The following AFAP1 variants were observed in gnomAD, a reference collection of about 807,000 sequenced individuals.
AFAP1 encodes the protein actin filament-associated protein 1.
In AFAP1, 75 loss-of-function variants were observed where a neutral mutation model predicts 93.9. The ratio of observed to expected loss-of-function variants is 0.80; its 90% CI spans 0.66 to 0.97. AFAP1 has a LOEUF of 0.97. AFAP1 is among the 50% of genes least tolerant of loss of function. AFAP1 has a pLI of 0.00. For synonymous variants in AFAP1, 517 were observed against 430.7 expected (o/e 1.20, Z -2.48); for missense variants, 1,201 against 1,050.8 (o/e 1.14, Z -1.98).
intron 13 of AFAP1, chr4:7,779,336 TAA>T (rs1368759217): frequency 1.9e-5 from 3 of 157,528 alleles, no homozygotes; most frequent in Non-Finnish European, 4.2e-5. Context: ...CCTACTGGGA[TAA>T]GTGACCGCCT....
intron 3 of AFAP1, among the ~76,000 whole-genome samples, chr4:7,858,684 G>A (rs527738462): frequency 6.6e-6 from 1 of 152,306 alleles, no homozygotes; most frequent in South Asian, 2.1e-4. Context: ...GGAGGAAGAC[G>A]CAGGCGCACA....
chr4:7,770,770 G>A (rs1037588165), intron 16 of AFAP1, among the ~76,000 whole-genome samples: 6 of 152,234 alleles, frequency 3.9e-5, no homozygotes, highest in South Asian at 2.1e-4. Flanking sequence ...GGACGGGGGC[G>A]GGACAGCTCC....
intron 1 of AFAP1, among the ~76,000 whole-genome samples, chr4:7,911,070 C>T (rs1369006906): frequency 6.6e-6 from 1 of 152,212 alleles, no homozygotes; most frequent in Non-Finnish European, 1.5e-5. Context: ...GACACACAGC[C>T]CATCTGTCTC....
At chr4:7,767,810 T>C (rs926857527) in intron 17 of AFAP1, among the ~76,000 whole-genome samples, 5 of 152,210 alleles carry the variant, frequency 3.3e-5, no homozygotes, top group African/African-American at 1.2e-4. Context: ...CTGGGCGCAG[T>C]GGCTCACGAC....
At chr4:7,772,048 T>C (rs1397184210) in intron 16 of AFAP1, among the ~76,000 whole-genome samples, 2 of 152,098 alleles carry the variant, frequency 1.3e-5, no homozygotes, top group African/African-American at 4.8e-5. Flanking sequence ...TCAACCAGGC[T>C]CAGCATTTTA....
chr4:7,931,533 C>T (rs1721066559), intron 1 of AFAP1, among the ~76,000 whole-genome samples: 1 of 150,822 alleles, frequency 6.6e-6, no homozygotes, highest in African/African-American at 2.4e-5. Context: ...AGGTGTGCAC[C>T]ACCACGCCCA....
chr4:7,923,511 G>A (rs546412307), intron 1 of AFAP1, among the ~76,000 whole-genome samples: 19 of 152,136 alleles, frequency 1.2e-4, no homozygotes, highest in South Asian at 1.2e-3. Flanking sequence ...ATGGAGTCTC[G>A]CTCTGTCACC....
At chr4:7,882,626 C>T (rs532424683) in intron 1 of AFAP1, among the ~76,000 whole-genome samples, 5 of 152,214 alleles carry the variant, frequency 3.3e-5, no homozygotes, top group Admixed American at 1.3e-4. Flanking sequence ...TTTGGAAGGC[C>T]GAGGCAGGCA....
intron 4 of AFAP1, among the ~76,000 whole-genome samples, chr4:7,852,976 C>T (rs1172373956): frequency 1.3e-5 from 2 of 152,134 alleles, no homozygotes; most frequent in Non-Finnish European, 2.9e-5. Context: ...GGGAATTTCC[C>T]GTCACCCGGG....
rs367862961 is a variant in AFAP1, at chr4:7,786,271, C to G, written c.1453G>C (p.Gly485Arg). The G allele has an allele frequency of 2.5e-6, 4 of 1,614,044 alleles. No homozygotes were observed. The highest frequency in any genetic ancestry group is 3.4e-6 in the Non-Finnish European group (4 of 1,180,030). ...TGGGCATAGCCGTTGGAGGTGCCCC[C>G]TAGATATGGGTTAGCAGATATAACA... The part of the protein sequence containing the change: ...RRVISANPYL[G>R]GTSNGYAHPS... Residue 485 changes from glycine to arginine, a missense_variant, in exon 12 of 18, where the codon GGG becomes CGG. By Grantham distance (125) the Gly-to-Arg change is moderately radical. Transcript: ENST00000420658.
At chr4:7,840,265 T>TGTGTGTGTGTGTGCGTGTGTGC (rs559090769) in intron 5 of AFAP1, among the ~76,000 whole-genome samples, 1 of 69,946 alleles carries the variant, frequency 1.4e-5, no homozygotes, top group Non-Finnish European at 3.1e-5. Flanking sequence ...TTTTGGGATG[T>TGTGTGTGTGTGTGCGTGTGTGC]GTGTGTGTGT....
At position 7,763,674 on chromosome 4, in the gene AFAP1, C is replaced by T; in HGVS notation, c.*91G>A. The stretch of plus-strand genomic sequence containing the variant: ...AGCCTCTGGAGTCGTGCAGCTGAGG[C>T]CACTCTGGGCAGAGCTTCCTGCCGT... On this transcript the variant is annotated 3_prime_UTR_variant, in exon 18 of 18. Coordinates refer to ENST00000420658, the MANE Select transcript of AFAP1 (RefSeq NM_001134647.2). 1 of 1,503,178 alleles carries T rather than the reference C, an allele frequency of 6.7e-7. No individual in the cohort carries two copies. The highest frequency in any genetic ancestry group is 9.1e-7 in the Non-Finnish European group (1 of 1,104,156). 93.1% of individuals were successfully genotyped at this position (1,503,178 alleles called of 1,614,324 possible). A position where few individuals can be genotyped will look rare whatever the true frequency, so the allele number is the denominator to read the frequency against.
At chr4:7,797,381 C>T (rs1408129188) in intron 10 of AFAP1, among the ~76,000 whole-genome samples, 1 of 152,126 alleles carries the variant, frequency 6.6e-6, no homozygotes, top group Non-Finnish European at 1.5e-5. Flanking sequence ...GGAAACCTTA[C>T]CCAAGGGATC....
rs150681856 is a variant in AFAP1, at chr4:7,764,108, G to A, written c.2419-317C>T. ...CGAGTACAGACAACACCACGTATTC[G>A]GCCTGAAAAAGGAAGGGCCTTCTGA... On this transcript the variant is annotated intron_variant, in intron 17 of 17. Coordinates refer to ENST00000420658, the MANE Select transcript of AFAP1 (RefSeq NM_001134647.2). 5.3e-3 allele frequency among the ~76,000 whole-genome samples: 804 copies of A among 152,310 alleles called. 3 individuals are homozygous for A. Among genetic ancestry groups the A allele is most frequent in the Non-Finnish European group, 8.9e-3 (607 of 68,022 alleles).
Position 7,800,565 on chromosome 4 carries a change from G to A in AFAP1, c.1143C>T (p.Thr381=), listed in dbSNP as rs11728778. Reference sequence around the variant, plus strand: ...TAGACACAATATGGGTCTTCAGGTCGGTCCTGTCCTTGTGGAAAATGAGCT... The same window carrying A: ...TAGACACAATATGGGTCTTCAGGTCAGTCCTGTCCTTGTGGAAAATGAGCT... ...DNKLIFHKDR[T]DLKTHIVSIP... The change falls in exon 10 of 18, where the codon ACC becomes ACT. Residue 381 remains threonine (T), a synonymous_variant. Transcript: ENST00000420658. The A allele has an allele frequency of 0.26, 426,308 of 1,613,928 alleles. 61,677 individuals carry two copies. The highest frequency in any genetic ancestry group is 0.3 in the Non-Finnish European group (358,145 of 1,179,918).
intron 1 of AFAP1, among the ~76,000 whole-genome samples, chr4:7,879,841 A>AT (rs994120829): frequency 6.6e-6 from 1 of 151,702 alleles, no homozygotes; most frequent in African/African-American, 2.4e-5. Context: ...AATTTTTTAA[A>AT]TTTTTTGAAG....
At chr4:7,766,034 C>T (rs1003612762) in intron 17 of AFAP1, among the ~76,000 whole-genome samples, 1 of 152,220 alleles carries the variant, frequency 6.6e-6, no homozygotes, top group Non-Finnish European at 1.5e-5. Flanking sequence ...TCTCCGCATG[C>T]TGCATACAAT....
In AFAP1 at chr4:7,858,719, G is replaced by C. The variant is rs548734811; in HGVS notation, c.226-3145C>G. Among the ~76,000 whole-genome samples, 9 of 152,288 alleles carry C rather than the reference G, an allele frequency of 5.9e-5. No individual in the cohort carries two copies. In the South Asian group the frequency reaches 1.9e-3, roughly 32 times the overall value. On this transcript the variant is annotated intron_variant, in intron 3 of 17. Coordinates refer to ENST00000420658, the MANE Select transcript of AFAP1 (RefSeq NM_001134647.2). ...AGCCACTCACATCCAAGGCTGGCTTGTTCCTGCACCTCTGCAACCTTGCCA... is the reference window on the plus strand; with the variant it reads ...AGCCACTCACATCCAAGGCTGGCTTCTTCCTGCACCTCTGCAACCTTGCCA...
chr4:7,873,747 TGTGA>T (rs1243883591), intron 1 of AFAP1, among the ~76,000 whole-genome samples: 4 of 152,098 alleles, frequency 2.6e-5, no homozygotes. Context: ...AAATCACTCT[TGTGA>T]GTGTTTGAGT....
Sources: allele counts gnomAD v4.1 joint callset (sites outside exome capture counted in the v4.1 genomes callset), GRCh38; gene constraint gnomAD v4.1.1; transcripts MANE v1.5; gene names NCBI Gene and HGNC (gene_info 2026-07-23, HGNC 2026-07-21).